RGS22: variants seen among roughly 807,000 people sequenced by gnomAD.
The protein encoded by RGS22 is regulator of G protein signaling 22, also known as regulator of G-protein signaling 22.
In RGS22, 148 loss-of-function variants were observed where a neutral mutation model predicts 172.9. The observed-to-expected ratio is 0.86, with a 90% CI of 0.75 to 0.98. The LOEUF (loss-of-function observed/expected upper bound fraction) is 0.98. Ranked by LOEUF, RGS22 falls within the 50% of genes least tolerant of loss-of-function variation. The pLI is 0.00. For missense variants in RGS22, 1,347 were observed against 1,440.8 expected, an observed-to-expected ratio of 0.93 and a Z score of 1.05; for synonymous variants, 458 against 480.2, an observed-to-expected ratio of 0.95 and a Z score of 0.60.
chr8:99,965,455 T>C (rs982862725), intron 23 of RGS22, 25 bp from the exon 24 acceptor site: 3 of 1,462,274 alleles, frequency 2.1e-6, no homozygotes, highest in Non-Finnish European at 2.8e-6. Flanking sequence ...AATTAAATTA[T>C]TACCCAGAAA....
intron 3 of RGS22, chr8:100,093,175 C>G (rs1586273224): frequency 3.6e-6 from 1 of 275,746 alleles, no homozygotes; most frequent in East Asian, 8.0e-5. Context: ...AAAAAAAAAG[C>G]CTAACATGGT....
rs757998305 is a variant in RGS22, at chr8:99,999,420, C to T, written c.2791G>A (p.Val931Ile). 1 of 1,610,676 alleles carries T rather than the reference C, an allele frequency of 6.2e-7. No individual in the cohort carries two copies. Among genetic ancestry groups the T allele is most frequent in the Non-Finnish European group, 8.5e-7 (1 of 1,178,994 alleles). Residue 931 changes from valine to isoleucine, a missense_variant and splice_region_variant, in exon 19 of 28, where the codon GTA becomes ATA. Transcript: ENST00000360863. ...SPASLYQQNQ[V>I]MHLSGGWGKI... Reference sequence around the variant, plus strand: ...CCCCAGCCACCACTTAAATGCATTACCTAAGAAAATTAAGATGGAAACAGA... The same window carrying T: ...CCCCAGCCACCACTTAAATGCATTATCTAAGAAAATTAAGATGGAAACAGA...
At chr8:100,039,536 C>T (rs1192345470) in intron 13 of RGS22, among the ~76,000 whole-genome samples, 1 of 151,970 alleles carries the variant, frequency 6.6e-6, no homozygotes, top group East Asian at 1.9e-4. Context: ...ACCACCACGC[C>T]CAGCTAATTT....
At chr8:99,994,213 G>T in intron 20 of RGS22, among the ~76,000 whole-genome samples, 1 of 152,128 alleles carries the variant, frequency 6.6e-6, no homozygotes, top group East Asian at 1.9e-4. Flanking sequence ...ACAAGACAAG[G>T]ATGCCCTCTC....
At chr8:100,092,653 C>T (rs1812670902) in intron 3 of RGS22, among the ~76,000 whole-genome samples, 1 of 152,182 alleles carries the variant, frequency 6.6e-6, no homozygotes, top group Non-Finnish European at 1.5e-5. Flanking sequence ...CCAGATGCAG[C>T]CCCTTGATCT....
chr8:99,977,691 C>T (rs528648846), intron 23 of RGS22, among the ~76,000 whole-genome samples: 21 of 152,186 alleles, frequency 1.4e-4, no homozygotes, highest in African/African-American at 4.3e-4. Context: ...AAGCTGCTTG[C>T]GTTGCCACAG....
chr8:100,029,118 C>T (rs1818492785), intron 14 of RGS22, among the ~76,000 whole-genome samples: 1 of 152,050 alleles, frequency 6.6e-6, no homozygotes, highest in African/African-American at 2.4e-5. Flanking sequence ...AATGTGTTAC[C>T]CTGATGTCCA....
Position 100,087,511 on chromosome 8 carries a change from G to T in RGS22, c.117+5936C>A, listed in dbSNP as rs142365353. Among the ~76,000 whole-genome samples the T allele has an allele frequency of 1.5e-4, 23 of 151,930 alleles. 1 individual carries two copies. The East Asian group carries it at 4.5e-3, about 29-fold the overall frequency. On this transcript the variant is annotated intron_variant, in intron 3 of 27. Coordinates refer to ENST00000360863, the MANE Select transcript of RGS22 (RefSeq NM_015668.5). ...TCCACATTTCTTTGAAAAGGGGAGA[G>T]AAAAAAAACCTGTGAATAATTAGTG...
chr8:99,985,617 TAAC>T (rs1000033630), intron 21 of RGS22, among the ~76,000 whole-genome samples: 10 of 152,238 alleles, frequency 6.6e-5, no homozygotes, highest in African/African-American at 2.2e-4. Context: ...TTTAGCATAA[TAAC>T]ATTTGATACT....
In RGS22 at chr8:100,038,916, T is replaced by C; in HGVS notation, c.2166+15A>G. ...CTTAGTGCTTCACATTGAACCAATATTATTTACTACGTACTTGCGCTTGCT... is the reference window on the plus strand; with the variant it reads ...CTTAGTGCTTCACATTGAACCAATACTATTTACTACGTACTTGCGCTTGCT... On this transcript the variant is annotated intron_variant, in intron 14 of 27. Transcript: ENST00000360863. 1 of 1,550,726 alleles carries C rather than the reference T, an allele frequency of 6.4e-7. No homozygotes were observed. Among genetic ancestry groups the C allele is most frequent in the Non-Finnish European group, 8.9e-7 (1 of 1,127,420 alleles).
intron 14 of RGS22, among the ~76,000 whole-genome samples, chr8:100,016,814 T>C (rs186527889): frequency 9.3e-4 from 141 of 151,766 alleles, no homozygotes; most frequent in Non-Finnish European, 1.7e-3. Flanking sequence ...TACCTAATGC[T>C]AAATGACAAG....
chr8:100,009,424 CAAAAAAAA>C (rs1238317237), intron 14 of RGS22, among the ~76,000 whole-genome samples: 1 of 45,678 alleles, frequency 2.2e-5, no homozygotes, highest in Non-Finnish European at 4.9e-5. Flanking sequence ...GACTCCACCT[CAAAAAAAA>C]AAAAAAAAAA....
chr8:100,082,461 G>A (rs2131916449), intron 3 of RGS22, among the ~76,000 whole-genome samples: 1 of 152,288 alleles, frequency 6.6e-6, no homozygotes, highest in East Asian at 1.9e-4. Flanking sequence ...AGCTCCTACA[G>A]ATAAGTGAGA....
chr8:100,026,855 C>A (rs1818234069), intron 14 of RGS22, among the ~76,000 whole-genome samples: 1 of 151,958 alleles, frequency 6.6e-6, no homozygotes, highest in Non-Finnish European at 1.5e-5. Flanking sequence ...TGAAAAGAAG[C>A]CGATGACTTA....
Position 100,008,450 on chromosome 8 carries a change from T to C in RGS22, c.2286A>G (p.Ala762=). 1 of 1,613,810 alleles carries C rather than the reference T, an allele frequency of 6.2e-7. No homozygotes were observed. The highest frequency in any genetic ancestry group is 8.5e-7 in the Non-Finnish European group (1 of 1,179,886). Residue 762 remains alanine, a synonymous_variant, in exon 15 of 28, where the codon GCA becomes GCG. Coordinates refer to ENST00000360863, the MANE Select transcript of RGS22 (RefSeq NM_015668.5). The part of the protein sequence containing the change: ...QPPFEDLFDT[A]EEYILLLLLE... ...GAAGGAGGAGAAGGATATATTCCTC[T>C]GCTGTGTCAAAAAGGTCTTCAAATG...
intron 24 of RGS22, 56 bp from the exon 25 acceptor site, chr8:99,963,034 T>C: frequency 7.2e-7 from 1 of 1,393,190 alleles, no homozygotes; most frequent in Non-Finnish European, 9.7e-7. Context: ...GGAAATAAAC[T>C]GAAGATAAGA....
intron 22 of RGS22, 119 bp downstream of exon 22, chr8:99,981,818 T>A: frequency 1.6e-5 from 11 of 690,482 alleles, no homozygotes; most frequent in Admixed American, 3.5e-5. Context: ...TGCCTCAGCC[T>A]CCCAAAGTGC....
chr8:100,012,328 T>C (rs1483599448), intron 14 of RGS22, among the ~76,000 whole-genome samples: 1 of 152,102 alleles, frequency 6.6e-6, no homozygotes, highest in Non-Finnish European at 1.5e-5. Flanking sequence ...GTTCAGAATA[T>C]AATAGGCATT....
chr8:100,056,372 C>G (rs192274875), intron 9 of RGS22, among the ~76,000 whole-genome samples: 1 of 152,216 alleles, frequency 6.6e-6, no homozygotes, highest in Admixed American at 6.5e-5. Context: ...AAGCTGGCTG[C>G]AGAAATTTGC....
Sources: allele counts gnomAD v4.1 joint callset (sites outside exome capture counted in the v4.1 genomes callset), GRCh38; gene constraint gnomAD v4.1.1; transcripts MANE v1.5; gene names NCBI Gene and HGNC (gene_info 2026-07-23, HGNC 2026-07-21).